VRK2: variants seen among roughly 807,000 people sequenced by gnomAD.
The protein encoded by VRK2 is serine/threonine-protein kinase VRK2.
VRK2 carries 60 observed loss-of-function variants against 57.6 expected under a neutral mutation model. The observed-to-expected ratio is 1.04, with a 90% CI of 0.85 to 1.29. VRK2 has a LOEUF of 1.29. VRK2 is among the 50% of genes most tolerant of loss of function. The pLI is 0.00. For synonymous variants in VRK2, 231 were observed against 199.2 expected, an observed-to-expected ratio of 1.16 and a Z score of -1.35; for missense variants, 705 against 588.1, an observed-to-expected ratio of 1.20 and a Z score of -2.06.
At chr2:57,990,323 T>C (rs1329494604) in intron 1 of VRK2, among the ~76,000 whole-genome samples, 2 of 152,216 alleles carry the variant, frequency 1.3e-5, no homozygotes, top group Admixed American at 6.5e-5. Flanking sequence ...GTTCAGTCTT[T>C]ATACAGTTCC....
intron 1 of VRK2, among the ~76,000 whole-genome samples, chr2:58,023,537 T>C (rs1324209899): frequency 6.6e-6 from 1 of 152,144 alleles, no homozygotes; most frequent in Non-Finnish European, 1.5e-5. Context: ...AAGGTTATCT[T>C]TGAAGGAAAA....
intron 1 of VRK2, among the ~76,000 whole-genome samples, chr2:57,941,216 T>A (rs1671083377): frequency 6.6e-6 from 1 of 152,180 alleles, no homozygotes; most frequent in South Asian, 2.1e-4. Flanking sequence ...CTGTTAATTG[T>A]ACTAAATGAA....
chr2:58,042,333 G>C (rs1674493055), upstream of VRK2, among the ~76,000 whole-genome samples: 1 of 152,024 alleles, frequency 6.6e-6, no homozygotes. Flanking sequence ...CCATTTACCT[G>C]AATTCTATTA....
intron 2 of VRK2, among the ~76,000 whole-genome samples, chr2:58,060,598 A>G (rs1295168933): frequency 1.3e-5 from 2 of 151,840 alleles, no homozygotes; most frequent in Admixed American, 1.3e-4. Context: ...TATGTAGTAT[A>G]TCTTTGGATA....
intron 7 of VRK2, among the ~76,000 whole-genome samples, chr2:58,098,844 G>C (rs767275914): frequency 6.6e-6 from 1 of 151,992 alleles, no homozygotes; most frequent in African/African-American, 2.4e-5. Context: ...TAACTTTTTG[G>C]TCATTTATTG....
chr2:58,148,002 C>A (rs543378777), intron 12 of VRK2, among the ~76,000 whole-genome samples: 1 of 151,938 alleles, frequency 6.6e-6, no homozygotes, highest in East Asian at 1.9e-4. Flanking sequence ...AATATAGTTG[C>A]TACAAACATT....
intron 2 of VRK2, among the ~76,000 whole-genome samples, chr2:58,033,024 T>C (rs1024886916): frequency 6.6e-6 from 1 of 152,100 alleles, no homozygotes; most frequent in Non-Finnish European, 1.5e-5. Context: ...TATCATCACA[T>C]TGGGTGTTAG....
At chr2:57,983,979 A>G (rs1672513666) in intron 1 of VRK2, among the ~76,000 whole-genome samples, 1 of 152,200 alleles carries the variant, frequency 6.6e-6, no homozygotes, top group Non-Finnish European at 1.5e-5. Context: ...GGGGACATCA[A>G]AAAAGATCAC....
At chr2:57,985,977 CT>C in intron 1 of VRK2, among the ~76,000 whole-genome samples, 1 of 152,126 alleles carries the variant, frequency 6.6e-6, no homozygotes, top group Non-Finnish European at 1.5e-5. Flanking sequence ...GGACTATATG[CT>C]GAAAATTACA....
intron 1 of VRK2, among the ~76,000 whole-genome samples, chr2:58,005,118 T>C (rs1673203466): frequency 6.6e-6 from 1 of 152,186 alleles, no homozygotes; most frequent in Non-Finnish European, 1.5e-5. Context: ...TTAAGTTTTG[T>C]CCAATATATT....
At chr2:57,925,800 T>G (rs540744741) in intron 1 of VRK2, among the ~76,000 whole-genome samples, 1 of 152,012 alleles carries the variant, frequency 6.6e-6, no homozygotes, top group South Asian at 2.1e-4. Flanking sequence ...GATTTTCTAG[T>G]TTTTTAAGAT....
intron 1 of VRK2, among the ~76,000 whole-genome samples, chr2:57,959,345 T>G (rs1227789857): frequency 4.6e-5 from 7 of 152,210 alleles, no homozygotes; most frequent in African/African-American, 1.7e-4. Context: ...AATCATAAAA[T>G]TAGGAACAAA....
intron 1 of VRK2, among the ~76,000 whole-genome samples, chr2:57,932,246 A>AT (rs1245319783): frequency 6.6e-6 from 1 of 151,942 alleles, no homozygotes; most frequent in African/African-American, 2.4e-5. Context: ...CTCCTCTTCA[A>AT]TTTTTTGGAA....
chr2:58,122,620 A>G (rs1450379017), intron 7 of VRK2, among the ~76,000 whole-genome samples: 1 of 152,216 alleles, frequency 6.6e-6, no homozygotes, highest in Non-Finnish European at 1.5e-5. Context: ...GAAGCAGCAC[A>G]AAATCCACAT....
chr2:57,951,612 G>A (rs1432511678), intron 1 of VRK2, among the ~76,000 whole-genome samples: 1 of 152,150 alleles, frequency 6.6e-6, no homozygotes, highest in South Asian at 2.1e-4. Flanking sequence ...CTTATTTGAA[G>A]AAATTGCCAC....
intron 2 of VRK2, among the ~76,000 whole-genome samples, chr2:58,062,225 A>G (rs901053801): frequency 3.3e-5 from 5 of 152,008 alleles, no homozygotes; most frequent in Admixed American, 2.6e-4. Context: ...CTGCACCCAT[A>G]CAAGACGGTG....
intron 7 of VRK2, among the ~76,000 whole-genome samples, chr2:58,118,848 A>G (rs1355355532): frequency 6.6e-6 from 1 of 152,024 alleles, no homozygotes; most frequent in Non-Finnish European, 1.5e-5. Flanking sequence ...TTGGGAAGGT[A>G]ATGGAAAATT....
In VRK2 at chr2:58,089,741, C is replaced by G. The variant is rs564732197; in HGVS notation, c.543+18C>G. 5 of 1,562,828 alleles carry G rather than the reference C, an allele frequency of 3.2e-6. No individual in the cohort carries two copies. In the South Asian group the frequency reaches 3.4e-5, roughly 11 times the overall value. On this transcript the variant is annotated intron_variant, in intron 7 of 12. Coordinates refer to ENST00000340157, the MANE Select transcript of VRK2 (RefSeq NM_006296.7). ...CAGACCAGGTAAATACATACTTTTG[C>G]TTTTAATAAAGGTCTTTAATGTATG...
intron 1 of VRK2, among the ~76,000 whole-genome samples, chr2:57,938,963 A>T (rs1232671543): frequency 6.6e-6 from 1 of 152,238 alleles, no homozygotes; most frequent in East Asian, 1.9e-4. Context: ...CAATAATGAG[A>T]CATAATATTA....
Sources: gnomAD v4.1 joint callset for allele counts (sites outside exome capture counted in the v4.1 genomes callset) on GRCh38, gnomAD v4.1.1 for gene constraint, MANE v1.5 for transcripts, NCBI Gene and HGNC (gene_info 2026-07-23, HGNC 2026-07-21) for gene names.